Variants in TMEM220 observed in about 807,000 individuals in gnomAD.
The protein encoded by TMEM220 is transmembrane protein 220.
TMEM220 carries 21 observed loss-of-function variants against 21.7 expected under a neutral mutation model. The observed-to-expected ratio is 0.97, with a 90% CI of 0.69 to 1.39. The LOEUF (loss-of-function observed/expected upper bound fraction) is 1.39, where lower values mean the gene tolerates loss of function less well. Among genes scored for constraint, TMEM220 ranks in the 40% most tolerant of loss-of-function variants. The probability of loss-of-function intolerance (pLI) is 0.00; values close to 1 mark genes in which losing one functional copy is unlikely to be tolerated. For missense variants in TMEM220, 191 were observed against 201.9 expected, an observed-to-expected ratio of 0.95 and a Z score of 0.33; for synonymous variants, 80 against 73.6, an observed-to-expected ratio of 1.09 and a Z score of -0.45.
chr17:10,718,294 GTAT>G (rs2074947306), intron 5 of TMEM220, among the ~76,000 whole-genome samples: 1 of 151,932 alleles, frequency 6.6e-6, no homozygotes, highest in Admixed American at 6.6e-5. Flanking sequence ...TATTATAGTA[GTAT>G]TCTCTTTTTT....
intron 2 of TMEM220, among the ~76,000 whole-genome samples, chr17:10,728,390 C>A (rs987112499): frequency 2.0e-5 from 3 of 146,804 alleles, no homozygotes; most frequent in Admixed American, 1.4e-4. Context: ...CACACTGCAA[C>A]TTCTGCCTCC....
At chr17:10,726,443 G>A (rs1003357451) in intron 2 of TMEM220, 179 bp from the exon 3 acceptor site, 16 of 615,108 alleles carry the variant, frequency 2.6e-5, no homozygotes, top group Non-Finnish European at 3.8e-5. Context: ...CACTTAGCAC[G>A]TCTGCCTGCA....
At chr17:10,723,621 T>C (rs2075017888) in intron 4 of TMEM220, among the ~76,000 whole-genome samples, 1 of 152,232 alleles carries the variant, frequency 6.6e-6, no homozygotes, top group Non-Finnish European at 1.5e-5. Context: ...GAATATTTTA[T>C]AAAATCCACA....
rs2074894337 is a variant in TMEM220 at position 10,715,035 on chromosome 17, A to G, written c.*418T>C. On this transcript the variant is annotated 3_prime_UTR_variant, in exon 6 of 6. Transcript: ENST00000341871. ...GCAGCCCTCCGTAATCTTTCCAAAC[A>G]CTTTATATCTTCAGAGTGTTCTTAC... The G allele has an allele frequency of 3.2e-5, 5 of 156,126 alleles. No individual in the cohort carries two copies. In the Admixed American group the frequency reaches 3.3e-4, roughly 10 times the overall value. The allele number at this position is 156,126 out of a possible 1,614,324, so 9.7% of individuals were successfully genotyped here. A position where few individuals can be genotyped will look rare whatever the true frequency, so the allele number is the denominator to read the frequency against.
chr17:10,728,557 C>T (rs556387638), intron 2 of TMEM220, among the ~76,000 whole-genome samples: 2 of 152,220 alleles, frequency 1.3e-5, no homozygotes, highest in African/African-American at 2.4e-5. Context: ...GTGATCCACC[C>T]GCCTTGGCCT....
chr17:10,716,504 A>G (rs1306540204), intron 5 of TMEM220: 1 of 651,178 alleles, frequency 1.5e-6, no homozygotes, highest in Non-Finnish European at 2.9e-6. Flanking sequence ...GATAAAAGTC[A>G]CTCTTCATGG....
At chr17:10,718,552 T>TAA (rs34889423) in intron 5 of TMEM220, among the ~76,000 whole-genome samples, 19 of 150,136 alleles carry the variant, frequency 1.3e-4, no homozygotes, top group African/African-American at 4.6e-4. Flanking sequence ...CCTGGAAGCT[T>TAA]AAAAAAAAAA....
intron 5 of TMEM220, among the ~76,000 whole-genome samples, chr17:10,717,104 A>G (rs1053029548): frequency 1.3e-5 from 2 of 152,342 alleles, no homozygotes; most frequent in South Asian, 2.1e-4. Flanking sequence ...ACATGTATTC[A>G]TATCACCCAC....
chr17:10,712,726 G>C (rs889079265), downstream of TMEM220, among the ~76,000 whole-genome samples: 2 of 152,236 alleles, frequency 1.3e-5, no homozygotes, highest in African/African-American at 2.4e-5. Context: ...GCCAAAGTCA[G>C]ACATGGCAAG....
At chr17:10,727,604 C>T (rs1015001029) in intron 2 of TMEM220, among the ~76,000 whole-genome samples, 14 of 152,110 alleles carry the variant, frequency 9.2e-5, no homozygotes, top group South Asian at 2.1e-4. Context: ...ATTCAAGATA[C>T]GGACCAGGGT....
At chr17:10,716,741 C>G (rs1310679274) in intron 5 of TMEM220, among the ~76,000 whole-genome samples, 1 of 152,230 alleles carries the variant, frequency 6.6e-6, no homozygotes, top group Non-Finnish European at 1.5e-5. Flanking sequence ...GAAGTACCAT[C>G]TTTGCCATAA....
intron 2 of TMEM220, among the ~76,000 whole-genome samples, chr17:10,728,314 CT>C (rs202039505): frequency 3.3e-4 from 43 of 130,648 alleles, no homozygotes; most frequent in African/African-American, 5.2e-4. Context: ...TTTTTCTTTG[CT>C]TTTTTTTTTT....
intron 1 of TMEM220, 29 bp downstream of exon 1, chr17:10,729,751 G>C: frequency 2.2e-6 from 3 of 1,336,844 alleles, no homozygotes; most frequent in Non-Finnish European, 2.9e-6. Context: ...GGAGCCGGGC[G>C]GGTCCCCCTC....
At chr17:10,712,762 G>C (rs962083975), downstream of TMEM220, among the ~76,000 whole-genome samples, 7 of 152,234 alleles carry the variant, frequency 4.6e-5, no homozygotes, top group African/African-American at 1.7e-4. Context: ...TCACCAGAAA[G>C]GTGCCGGGCT....
Position 10,723,258 on chromosome 17 carries a change from T to C in TMEM220, c.347+12A>G, listed in dbSNP as rs372066174. On this transcript the variant is annotated intron_variant, in intron 5 of 5. Transcript: ENST00000341871. The stretch of plus-strand genomic sequence containing the variant: ...CCTCCCAAAGTGAAGATGTGATGAG[T>C]TGAATACTTACTTTGAGGAACTGTG... 5 of 1,613,256 alleles carry C rather than the reference T, an allele frequency of 3.1e-6. No individual in the cohort carries two copies. Among genetic ancestry groups the C allele is most frequent in the East Asian group, 2.2e-5 (1 of 44,694 alleles).
intron 5 of TMEM220, among the ~76,000 whole-genome samples, chr17:10,721,995 CTTT>C (rs139767679): frequency 4.8e-5 from 6 of 125,942 alleles, no homozygotes; most frequent in Non-Finnish European, 3.4e-5. Context: ...GTTTTTCTTT[CTTT>C]TTTTTTTTTT....
downstream of TMEM220, chr17:10,711,220 CTCAT>C (rs1245416950): frequency 8.3e-7 from 1 of 1,199,816 alleles, no homozygotes; most frequent in Non-Finnish European, 1.2e-6. Flanking sequence ...AATCCTCTGT[CTCAT>C]TGTTTAGTAT....
chr17:10,721,559 C>T (rs1462538402), intron 5 of TMEM220, among the ~76,000 whole-genome samples: 2 of 138,694 alleles, frequency 1.4e-5, no homozygotes, highest in Admixed American at 7.9e-5. Context: ...AAGCCAAGAT[C>T]GCGCCACTGC....
rs2074888377 is a variant in TMEM220 at position 10,714,730 on chromosome 17, CA to C, written c.*722del. ...CTCAGGAATTCAAGACCAGCCTGGA[CA>C]ACACGGTGAAACCCTGCCTCTACAA... On this transcript the variant is annotated 3_prime_UTR_variant, in exon 6 of 6. Transcript: ENST00000341871. 6.6e-6 allele frequency: 1 copy of C among 152,274 alleles called. No homozygotes were observed. The allele number at this position is 152,274 out of a possible 1,614,324, so 9.4% of individuals were successfully genotyped here.
Sources: allele counts gnomAD v4.1 joint callset (sites outside exome capture counted in the v4.1 genomes callset), GRCh38; gene constraint gnomAD v4.1.1; transcripts MANE v1.5; gene names NCBI Gene and HGNC (gene_info 2026-07-23, HGNC 2026-07-21).